The following CTNND2 variants were observed in gnomAD, a reference collection of about 807,000 sequenced individuals.
The protein encoded by CTNND2 is catenin delta-2.
CTNND2 carries 22 observed loss-of-function variants against 144.4 expected under a neutral mutation model. The ratio of observed to expected loss-of-function variants is 0.15; its 90% CI spans 0.11 to 0.22. The LOEUF (loss-of-function observed/expected upper bound fraction) is 0.22, where lower values mean the gene tolerates loss of function less well. CTNND2 is among the 10% of genes least tolerant of loss of function. The pLI, the probability that CTNND2 is intolerant of heterozygous loss-of-function variation, is 1.00. For missense variants in CTNND2, 1,353 were observed against 1,618.8 expected (o/e 0.84, Z 2.82); for synonymous variants, 751 against 695.6 (o/e 1.08, Z -1.25).
chr5:11,262,671 A>G (rs761986251), intron 9 of CTNND2, among the ~76,000 whole-genome samples: 1 of 143,672 alleles, frequency 7.0e-6, no homozygotes. Flanking sequence ...CTGAAGCAGG[A>G]GAATGGCGTG....
intron 1 of CTNND2, among the ~76,000 whole-genome samples, chr5:11,812,974 C>G (rs1792421181): frequency 6.6e-6 from 1 of 152,144 alleles, no homozygotes; most frequent in African/African-American, 2.4e-5. Flanking sequence ...CACACACATA[C>G]TCATATATAC....
intron 16 of CTNND2, among the ~76,000 whole-genome samples, chr5:11,037,274 C>T (rs1744184660): frequency 6.6e-6 from 1 of 152,200 alleles, no homozygotes; most frequent in African/African-American, 2.4e-5. Flanking sequence ...CAGACCTATT[C>T]AGCCTTAGCA....
intron 1 of CTNND2, among the ~76,000 whole-genome samples, chr5:11,900,108 G>T (rs1253069388): frequency 2.0e-5 from 3 of 152,162 alleles, no homozygotes; most frequent in Non-Finnish European, 2.9e-5. Context: ...AATTCATTTT[G>T]CACGTAATGT....
intron 1 of CTNND2, among the ~76,000 whole-genome samples, chr5:11,746,852 G>A (rs188004017): frequency 2.0e-5 from 3 of 152,110 alleles, no homozygotes; most frequent in Non-Finnish European, 4.4e-5. Context: ...AATTTTACAC[G>A]TACAACACTG....
At chr5:11,285,542 C>A (rs1026015808) in intron 9 of CTNND2, among the ~76,000 whole-genome samples, 23 of 152,088 alleles carry the variant, frequency 1.5e-4, no homozygotes, top group African/African-American at 5.6e-4. Context: ...ATCTACTACC[C>A]CTTAAATTTG....
chr5:11,778,988 G>T (rs1268558939), intron 1 of CTNND2, among the ~76,000 whole-genome samples: 1 of 152,130 alleles, frequency 6.6e-6, no homozygotes, highest in Non-Finnish European at 1.5e-5. Flanking sequence ...GGCAAATATT[G>T]ACACATCCTT....
intron 2 of CTNND2, among the ~76,000 whole-genome samples, chr5:11,630,319 G>A (rs969942548): frequency 6.6e-6 from 1 of 152,132 alleles, no homozygotes; most frequent in African/African-American, 2.4e-5. Flanking sequence ...ACACCAGGGT[G>A]GACTGCAGGA....
chr5:11,643,512 T>A (rs945791750), intron 2 of CTNND2, among the ~76,000 whole-genome samples: 24 of 151,924 alleles, frequency 1.6e-4, no homozygotes, highest in African/African-American at 5.8e-4. Flanking sequence ...TGCGATAGTT[T>A]GCTGAGAATG....
chr5:11,237,083 G>C (rs991274433), intron 9 of CTNND2, among the ~76,000 whole-genome samples: 2 of 149,180 alleles, frequency 1.3e-5, no homozygotes, highest in African/African-American at 4.9e-5. Context: ...GCAGTGGAGC[G>C]ATCTCAGCTC....
chr5:11,640,273 T>C (rs1273017164), intron 2 of CTNND2, among the ~76,000 whole-genome samples: 2 of 152,250 alleles, frequency 1.3e-5, no homozygotes, highest in African/African-American at 2.4e-5. Flanking sequence ...GACTTTATTA[T>C]GCACATAAAT....
chr5:10,985,325 C>T (rs979093053), intron 20 of CTNND2, among the ~76,000 whole-genome samples: 6 of 152,086 alleles, frequency 3.9e-5, no homozygotes, highest in Admixed American at 6.6e-5. Context: ...CTATGGAAGC[C>T]GGCATGCCTG....
In CTNND2 at chr5:11,322,206, C is replaced by A. The variant is rs1265828895; in HGVS notation, c.1628+24166G>T. Among the ~76,000 whole-genome samples, 3 of 152,156 alleles carry A rather than the reference C, an allele frequency of 2.0e-5. No homozygotes were observed. In the East Asian group the frequency reaches 5.8e-4, roughly 29 times the overall value. On this transcript the variant is annotated intron_variant, in intron 9 of 21. Transcript: ENST00000304623. ...TGTAGAAAGCCTCTCTCTTCCTGCC[C>A]ATGCTAACTGCTCCTGCTCAGCCTC...
chr5:11,600,023 A>C (rs1779701709), intron 2 of CTNND2, among the ~76,000 whole-genome samples: 1 of 152,180 alleles, frequency 6.6e-6, no homozygotes, highest in African/African-American at 2.4e-5. Flanking sequence ...TCTTTATCCA[A>C]TTCTAAAGCA....
chr5:11,668,463 T>C (rs1387979956), intron 2 of CTNND2, among the ~76,000 whole-genome samples: 6 of 152,226 alleles, frequency 3.9e-5, no homozygotes, highest in African/African-American at 7.2e-5. Context: ...GTAGTTCTCC[T>C]TGAAGAGGTC....
chr5:11,306,140 A>C (rs1428557202), intron 9 of CTNND2, among the ~76,000 whole-genome samples: 1 of 152,212 alleles, frequency 6.6e-6, no homozygotes, highest in Admixed American at 6.5e-5. Context: ...TGCTGTGAGA[A>C]GAACTGATTA....
chr5:11,262,501 G>A (rs1270124816), intron 9 of CTNND2, among the ~76,000 whole-genome samples: 4 of 152,032 alleles, frequency 2.6e-5, no homozygotes, highest in Admixed American at 6.5e-5. Flanking sequence ...AGTGGCTCAC[G>A]CCTGTAATTC....
At chr5:11,017,485 G>A (rs16901200) in intron 18 of CTNND2, among the ~76,000 whole-genome samples, 8,345 of 151,488 alleles carry the variant, frequency 0.055, 318 homozygotes, top group East Asian at 0.1. Flanking sequence ...CCTATTCAGT[G>A]TTCCTAGTTT....
chr5:11,313,861 A>G (rs912964097), intron 9 of CTNND2, among the ~76,000 whole-genome samples: 4 of 152,156 alleles, frequency 2.6e-5, no homozygotes, highest in African/African-American at 7.2e-5. Context: ...GTTAAGGGGA[A>G]GCAGGAACGT....
intron 2 of CTNND2, among the ~76,000 whole-genome samples, chr5:11,688,960 A>G (rs1784778644): frequency 6.6e-6 from 1 of 152,218 alleles, no homozygotes; most frequent in Non-Finnish European, 1.5e-5. Flanking sequence ...AGCGAGGGCC[A>G]CAAAATAAGA....
Sources: allele counts gnomAD v4.1 joint callset (sites outside exome capture counted in the v4.1 genomes callset), GRCh38; gene constraint gnomAD v4.1.1; transcripts MANE v1.5; gene names NCBI Gene and HGNC (gene_info 2026-07-23, HGNC 2026-07-21).